SERINC2: variants seen among roughly 807,000 people sequenced by gnomAD.
SERINC2 encodes the protein serine incorporator 2, also known as tumor differentially expressed protein 2.
SERINC2 carries 56 observed loss-of-function variants against 54.2 expected under a neutral mutation model. The observed-to-expected ratio is 1.03, with a 90% CI of 0.83 to 1.29. The LOEUF (loss-of-function observed/expected upper bound fraction) is 1.29. Among genes scored for constraint, SERINC2 ranks in the 50% most tolerant of loss-of-function variants. The pLI is 0.00. For synonymous variants in SERINC2, 272 were observed against 253.1 expected, an observed-to-expected ratio of 1.07 and a Z score of -0.71; for missense variants, 614 against 607.4, an observed-to-expected ratio of 1.01 and a Z score of -0.12.
intron 1 of SERINC2, chr1:31,414,385 G>A (rs1176354120): frequency 2.5e-6 from 3 of 1,206,078 alleles, no homozygotes; most frequent in African/African-American, 1.7e-5. Context: ...AGCGGCTGCT[G>A]AATCTCGGGA....
chr1:31,432,034 G>GTGGATAGGA (rs1641265517), intron 8 of SERINC2, among the ~76,000 whole-genome samples: 1 of 130,158 alleles, frequency 7.7e-6, no homozygotes, highest in Non-Finnish European at 1.6e-5. Flanking sequence ...GGTGGACAGG[G>GTGGATAGGA]TGGACAGGGT....
chr1:31,417,852 C>CTTTTTTTTTT lies in SERINC2; in HGVS notation c.39+4561_39+4570dup, dbSNP rs3050463. ...TTATAGCATGTGTCAAAATTTCATTCTTTTTTTTTTTTTTTTTTTTTTGAG... is the reference window on the plus strand; with the variant it reads ...TTATAGCATGTGTCAAAATTTCATTCTTTTTTTTTTTTTTTTTTTTTTTTTTTTTTTTGAG... On this transcript the variant is annotated intron_variant, in intron 1 of 9. Coordinates refer to ENST00000373709, the MANE Select transcript of SERINC2 (RefSeq NM_178865.5). Among the ~76,000 whole-genome samples, 311 of 95,720 alleles carry CTTTTTTTTTT rather than the reference C, an allele frequency of 3.2e-3. 16 individuals are homozygous for CTTTTTTTTTT. The highest frequency in any genetic ancestry group is 5.3e-3 in the East Asian group (15 of 2,838). The allele number at this position is 95,720 out of a possible 152,430, so 62.8% of individuals were successfully genotyped here.
upstream of SERINC2, chr1:31,413,190 G>T: frequency 9.7e-7 from 1 of 1,033,628 alleles, no homozygotes; most frequent in Non-Finnish European, 1.2e-6. This position sits in a 1 kb window ranked among gnomAD's most constrained non-coding sequence, Gnocchi z 5.0. Context: ...CCGGGGAGGG[G>T]CCAGGCCCGG....
chr1:31,424,544 C>G (rs1640981255), intron 2 of SERINC2, 139 bp from the exon 3 acceptor site: 2 of 678,690 alleles, frequency 2.9e-6, no homozygotes, highest in African/African-American at 1.8e-5. Context: ...GAGGGGCTCC[C>G]CTCCCTGTCT....
At chr1:31,413,034 G>C (rs1445123414), upstream of SERINC2, 3 of 574,400 alleles carry the variant, frequency 5.2e-6, no homozygotes, top group African/African-American at 6.1e-5. The surrounding 1 kb of genome is among the most constrained non-coding windows in gnomAD (Gnocchi z 5.0). Context: ...TGCGCCGCTC[G>C]CGTGGCCGCG....
chr1:31,416,568 G>C (rs1490086880), intron 1 of SERINC2, among the ~76,000 whole-genome samples: 1 of 152,246 alleles, frequency 6.6e-6, no homozygotes, highest in Non-Finnish European at 1.5e-5. Context: ...GGCTCAGCCA[G>C]TTACGGAGTT....
At chr1:31,425,534 G>A (rs1557494435) in intron 4 of SERINC2, 125 bp downstream of exon 4, 4 of 900,414 alleles carry the variant, frequency 4.4e-6, no homozygotes, top group South Asian at 1.4e-5. Flanking sequence ...CTAGGTCCTC[G>A]CTCCCCACCC....
At chr1:31,433,218 G>A in intron 9 of SERINC2, 33 bp downstream of exon 9, 1 of 1,570,956 alleles carries the variant, frequency 6.4e-7, no homozygotes, top group Non-Finnish European at 8.8e-7. Context: ...ACAGAGCCCG[G>A]AGGTGCAGGG....
At chr1:31,424,388 C>T (rs1640977025) in intron 2 of SERINC2, among the ~76,000 whole-genome samples, 1 of 152,158 alleles carries the variant, frequency 6.6e-6, no homozygotes, top group Non-Finnish European at 1.5e-5. Flanking sequence ...GTGGAGAACA[C>T]TTTGGGAACC....
At chr1:31,419,717 T>C (rs1553132591) in intron 1 of SERINC2, among the ~76,000 whole-genome samples, 1 of 152,078 alleles carries the variant, frequency 6.6e-6, no homozygotes, top group East Asian at 1.9e-4. Flanking sequence ...TGGTCCCAGC[T>C]ACTTGGGAGG....
Position 31,425,916 on chromosome 1 carries a change from C to A in SERINC2, c.610+3C>A. On this transcript the variant is annotated splice_donor_region_variant and intron_variant, in intron 5 of 9. Coordinates refer to ENST00000373709, the MANE Select transcript of SERINC2 (RefSeq NM_178865.5). ...CGATTCCCGTGCCTGGTACGCAGGT[C>A]AGTGCTGCCACCCTGCCTCCGTGTG... 1.9e-6 allele frequency: 3 copies of A among 1,609,950 alleles called. No homozygotes were observed. The South Asian group carries it at 3.3e-5, about 18-fold the overall frequency.
chr1:31,411,940 G>T (rs1640655492), upstream of SERINC2, among the ~76,000 whole-genome samples: 2 of 145,138 alleles, frequency 1.4e-5, no homozygotes, highest in Non-Finnish European at 3.0e-5. Context: ...GGTTGAAGCT[G>T]CAGTGAGCCA....
At chr1:31,431,813 A>ATAGGGTGGATAGGGTGGATAGGATGGT (rs1641226770) in intron 8 of SERINC2, among the ~76,000 whole-genome samples, 1 of 75,014 alleles carries the variant, frequency 1.3e-5, no homozygotes, top group African/African-American at 3.6e-5. Flanking sequence ...GACAGGGTGG[A>ATAGGGTGGATAGGGTGGATAGGATGGT]CAGGGTGGAT....
At chr1:31,429,324 G>C in intron 7 of SERINC2, 73 bp from the exon 8 acceptor site, 1 of 1,533,876 alleles carries the variant, frequency 6.5e-7, no homozygotes, top group Non-Finnish European at 8.8e-7. Flanking sequence ...TGGCTCTCTA[G>C]CCATCCTCAG....
chr1:31,423,944 C>T, intron 2 of SERINC2, 90 bp downstream of exon 2: 1 of 1,268,172 alleles, frequency 7.9e-7, no homozygotes, highest in East Asian at 2.3e-5. Context: ...CACAGCTTAT[C>T]CAGAAGAGGA....
chr1:31,416,658 A>C (rs1488497106), intron 1 of SERINC2, among the ~76,000 whole-genome samples: 1 of 152,216 alleles, frequency 6.6e-6, no homozygotes, highest in Admixed American at 6.5e-5. Flanking sequence ...ATGTTAAAAA[A>C]TTTACTCTTT....
At chr1:31,432,270 G>C (rs952276651) in intron 8 of SERINC2, among the ~76,000 whole-genome samples, 1 of 151,820 alleles carries the variant, frequency 6.6e-6, no homozygotes, top group Non-Finnish European at 1.5e-5. Context: ...TTCTCAATTT[G>C]CTGGGGTGGC....
intron 8 of SERINC2, among the ~76,000 whole-genome samples, chr1:31,430,084 T>C (rs1553134247): frequency 6.6e-6 from 1 of 152,164 alleles, no homozygotes. Flanking sequence ...GCATTGCCAC[T>C]TACTAGCTAT....
At position 31,433,076 on chromosome 1, in the gene SERINC2, C is replaced by A. The variant is rs782632034; in HGVS notation, c.1123C>A (p.Arg375=). The change falls in exon 9 of 10, where the codon CGG becomes AGG. Residue 375 remains arginine (R), a synonymous_variant. Coordinates refer to ENST00000373709, the MANE Select transcript of SERINC2 (RefSeq NM_178865.5). ...QQQQVAACEG[R]AFDNEQDGVT... ...GCAGCAGGTGGCAGCCTGTGAGGGC[C>A]GGGCCTTTGACAACGAGCAGGACGG... The A allele has an allele frequency of 6.2e-6, 10 of 1,613,316 alleles. No individual in the cohort carries two copies. The East Asian group carries it at 2.2e-4, about 36-fold the overall frequency.
Sources: gnomAD v4.1 joint callset for allele counts (sites outside exome capture counted in the v4.1 genomes callset) on GRCh38, gnomAD v4.1.1 for gene constraint, Gnocchi (gnomAD v3.1) non-coding constraint, MANE v1.5 for transcripts, NCBI Gene and HGNC (gene_info 2026-07-23, HGNC 2026-07-21) for gene names.